Variants in ZNF521 observed in about 807,000 individuals in gnomAD.
ZNF521 encodes LYST-interacting protein 3.
A neutral mutation model predicts 105.5 loss-of-function variants in ZNF521; 14 were observed. The observed-to-expected ratio is 0.13, with a 90% confidence interval of 0.09 to 0.21. The LOEUF (loss-of-function observed/expected upper bound fraction) is 0.21. Ranked by LOEUF, ZNF521 falls within the 10% of genes least tolerant of loss-of-function variation. ZNF521 has a pLI of 1.00. For synonymous variants in ZNF521, 635 were observed against 606.0 expected (o/e 1.05, Z -0.70); for missense variants, 1,233 against 1,629.7 (o/e 0.76, Z 4.19).
chr18:25,350,385 C>CGCGG (rs1461917510), intron 2 of ZNF521, among the ~76,000 whole-genome samples: 3 of 151,832 alleles, frequency 2.0e-5, no homozygotes, highest in African/African-American at 4.8e-5. Context: ...CCAAGCAGGA[C>CGCGG]GCGGGCGGGC....
chr18:25,111,834 T>C (rs1007332881), intron 5 of ZNF521, among the ~76,000 whole-genome samples: 1 of 152,198 alleles, frequency 6.6e-6, no homozygotes, highest in African/African-American at 2.4e-5. Context: ...GCTGTTTACT[T>C]TCATAAGCCC....
chr18:25,295,437 A>C (rs1207943351), intron 3 of ZNF521, among the ~76,000 whole-genome samples: 1 of 152,188 alleles, frequency 6.6e-6, no homozygotes, highest in Non-Finnish European at 1.5e-5. Context: ...AAAATAATTT[A>C]ATTGTACATT....
rs149774201 is a variant in ZNF521, at chr18:25,192,444, G to A, written c.3658+2716C>T. On this transcript the variant is annotated intron_variant, in intron 5 of 7. Coordinates refer to ENST00000361524, the MANE Select transcript of ZNF521 (RefSeq NM_015461.3). The stretch of plus-strand genomic sequence containing the variant: ...ACACTGAGATTGCACACAAACATAG[G>A]TGCCACAGGAGCAAATGCAAATGAC... Among the ~76,000 whole-genome samples the A allele has an allele frequency of 3.9e-5, 6 of 152,162 alleles. No homozygotes were observed. In the East Asian group the frequency reaches 9.7e-4, roughly 25 times the overall value.
chr18:25,178,691 T>C (rs1360783139), intron 5 of ZNF521, among the ~76,000 whole-genome samples: 1 of 152,218 alleles, frequency 6.6e-6, no homozygotes, highest in East Asian at 1.9e-4. Context: ...AATGGAAAGA[T>C]ATAATGGAAA....
At chr18:25,194,639 T>C (rs1568003717) in intron 5 of ZNF521, among the ~76,000 whole-genome samples, 1 of 151,766 alleles carries the variant, frequency 6.6e-6, no homozygotes, top group East Asian at 1.9e-4. Flanking sequence ...CTGAATTCTT[T>C]ACATGATCTT....
intron 4 of ZNF521, among the ~76,000 whole-genome samples, chr18:25,204,103 G>C (rs1415707492): frequency 6.6e-6 from 1 of 152,092 alleles, no homozygotes; most frequent in Non-Finnish European, 1.5e-5. Context: ...CCAAGAAGTG[G>C]AGCAGGTGGT....
At chr18:25,338,734 A>G (rs553922713) in intron 2 of ZNF521, among the ~76,000 whole-genome samples, 107 of 152,294 alleles carry the variant, frequency 7.0e-4, no homozygotes, top group African/African-American at 2.5e-3. Context: ...ATTACAGAAT[A>G]TACTAATGAA....
chr18:25,338,337 G>C (rs1171396727), intron 2 of ZNF521, among the ~76,000 whole-genome samples: 1 of 148,002 alleles, frequency 6.8e-6, no homozygotes, highest in Admixed American at 6.8e-5. Flanking sequence ...AAAAGGCATA[G>C]GAAATGTGAG....
rs1397348984 is a variant in ZNF521, at chr18:25,342,566, C to T, written c.40+8341G>A. ...GCCTCAGCCTCCCAAGTAGCTGGGA[C>T]TACAGGCGCCCGTCACCACGCCCGG... On this transcript the variant is annotated intron_variant, in intron 2 of 7. Coordinates refer to ENST00000361524, the MANE Select transcript of ZNF521 (RefSeq NM_015461.3). 1.4e-5 allele frequency among the ~76,000 whole-genome samples: 2 copies of T among 139,058 alleles called. 1 individual carries two copies. The highest frequency in any genetic ancestry group is 3.2e-5 in the Non-Finnish European group (2 of 62,374). 91.2% of individuals were successfully genotyped at this position (139,058 alleles called of 152,430 possible). A position where few individuals can be genotyped will look rare whatever the true frequency, so the allele number is the denominator to read the frequency against.
At chr18:25,283,930 C>CG (rs1555657964) in intron 3 of ZNF521, among the ~76,000 whole-genome samples, 32 of 142,472 alleles carry the variant, frequency 2.2e-4, no homozygotes, top group Non-Finnish European at 3.9e-4. Flanking sequence ...TTTCCCCCCC[C>CG]CCCAAAAAAA....
At chr18:25,235,661 C>T (rs1262131023) in intron 3 of ZNF521, among the ~76,000 whole-genome samples, 1 of 152,212 alleles carries the variant, frequency 6.6e-6, no homozygotes, top group South Asian at 2.1e-4. Flanking sequence ...GGAATTATAA[C>T]AGTCCTGAAA....
At chr18:25,090,412 C>G (rs1381458968) in intron 6 of ZNF521, among the ~76,000 whole-genome samples, 1 of 152,132 alleles carries the variant, frequency 6.6e-6, no homozygotes, top group African/African-American at 2.4e-5. Flanking sequence ...GCCAGCCAAC[C>G]TAAAATATTA....
intron 5 of ZNF521, among the ~76,000 whole-genome samples, chr18:25,162,286 A>C (rs2035265022): frequency 6.6e-6 from 1 of 152,368 alleles, no homozygotes; most frequent in Admixed American, 6.5e-5. Context: ...GCAAATGAAG[A>C]CTGCAAAAAT....
chr18:25,279,322 A>C (rs2144979998), intron 3 of ZNF521, among the ~76,000 whole-genome samples: 1 of 152,358 alleles, frequency 6.6e-6, no homozygotes, highest in African/African-American at 2.4e-5. Context: ...TGTTAGTATA[A>C]CTACAGCCTT....
intron 5 of ZNF521, among the ~76,000 whole-genome samples, chr18:25,165,235 A>G (rs990454568): frequency 6.6e-6 from 1 of 152,162 alleles, no homozygotes; most frequent in Admixed American, 6.5e-5. Flanking sequence ...TGGGAATTAG[A>G]TTTTTCTGAA....
At chr18:25,066,262 T>C in intron 7 of ZNF521, among the ~76,000 whole-genome samples, 1 of 152,320 alleles carries the variant, frequency 6.6e-6, no homozygotes, top group Middle Eastern at 3.4e-3. Flanking sequence ...CTAGAGCTTC[T>C]TGGGCAATGG....
chr18:25,286,638 A>G (rs181479805), intron 3 of ZNF521, among the ~76,000 whole-genome samples: 11 of 152,376 alleles, frequency 7.2e-5, no homozygotes, highest in African/African-American at 2.4e-4. Flanking sequence ...TCTCTCAGAT[A>G]TTAAAAATAA....
intron 5 of ZNF521, among the ~76,000 whole-genome samples, chr18:25,143,444 G>A (rs2034887995): frequency 6.6e-6 from 1 of 152,082 alleles, no homozygotes; most frequent in Admixed American, 6.6e-5. Context: ...ATTTTCTTGT[G>A]TATCTTGTAA....
intron 3 of ZNF521, among the ~76,000 whole-genome samples, chr18:25,241,417 G>A (rs1046359626): frequency 6.6e-6 from 1 of 152,138 alleles, no homozygotes; most frequent in Non-Finnish European, 1.5e-5. Flanking sequence ...GAACAATCTA[G>A]AAAGATACTA....
Sources: allele counts gnomAD v4.1 joint callset (sites outside exome capture counted in the v4.1 genomes callset), GRCh38; gene constraint gnomAD v4.1.1; transcripts MANE v1.5; gene names NCBI Gene and HGNC (gene_info 2026-07-23, HGNC 2026-07-21).